FAF1: variants seen among roughly 807,000 people sequenced by gnomAD.
FAF1 encodes the protein FAS-associated factor 1.
FAF1 carries 25 observed loss-of-function variants against 92.5 expected under a neutral mutation model. The ratio of observed to expected loss-of-function variants is 0.27; its 90% CI spans 0.20 to 0.38. FAF1 has a LOEUF of 0.38. FAF1 is among the 10% of genes least tolerant of loss of function. FAF1 has a pLI of 1.00. For synonymous variants in FAF1, 234 were observed against 273.2 expected, an observed-to-expected ratio of 0.86 and a Z score of 1.42; for missense variants, 636 against 793.3, an observed-to-expected ratio of 0.80 and a Z score of 2.38.
intron 6 of FAF1, among the ~76,000 whole-genome samples, chr1:50,722,409 G>T (rs895303318): frequency 3.3e-4 from 50 of 152,292 alleles, no homozygotes; most frequent in African/African-American, 1.2e-3. Flanking sequence ...AGCACTTTGG[G>T]AGGCCGAGGT....
chr1:50,838,858 A>T (rs1254090314), intron 2 of FAF1, among the ~76,000 whole-genome samples: 1 of 152,124 alleles, frequency 6.6e-6, no homozygotes, highest in Non-Finnish European at 1.5e-5. Flanking sequence ...ATTCAAATTC[A>T]ACTCTGGCCA....
At chr1:50,549,955 A>G (rs1447614772) in intron 13 of FAF1, among the ~76,000 whole-genome samples, 1 of 152,190 alleles carries the variant, frequency 6.6e-6, no homozygotes, top group Non-Finnish European at 1.5e-5. Flanking sequence ...ATGTTTCAGC[A>G]TCATTTATTT....
At chr1:50,504,972 C>T (rs1475559146) in intron 15 of FAF1, among the ~76,000 whole-genome samples, 1 of 152,186 alleles carries the variant, frequency 6.6e-6, no homozygotes, top group Non-Finnish European at 1.5e-5. Context: ...TGACTCCTAT[C>T]ATATGCAGAT....
intron 8 of FAF1, among the ~76,000 whole-genome samples, chr1:50,627,352 G>T (rs1021611957): frequency 6.6e-6 from 1 of 152,102 alleles, no homozygotes; most frequent in Non-Finnish European, 1.5e-5. Flanking sequence ...ATGAAAAAGC[G>T]TCTCAGGAAG....
chr1:50,804,151 CAT>C (rs1183298583), intron 2 of FAF1, among the ~76,000 whole-genome samples: 2 of 152,142 alleles, frequency 1.3e-5, no homozygotes, highest in Non-Finnish European at 2.9e-5. Context: ...ACAATTAAGA[CAT>C]AGTGATGAAC....
chr1:50,759,974 T>C (rs995339934), intron 4 of FAF1, among the ~76,000 whole-genome samples: 4 of 152,122 alleles, frequency 2.6e-5, no homozygotes, highest in African/African-American at 9.7e-5. Flanking sequence ...CTGTTCATGT[T>C]CTTCACCCAC....
At chr1:50,727,927 T>C (rs1045831092) in intron 6 of FAF1, among the ~76,000 whole-genome samples, 5 of 152,196 alleles carry the variant, frequency 3.3e-5, no homozygotes, top group Non-Finnish European at 7.3e-5. Flanking sequence ...CACTGTCAGT[T>C]TCCCTACTTT....
chr1:50,847,860 TA>T (rs1644315024), intron 2 of FAF1, among the ~76,000 whole-genome samples: 1 of 151,874 alleles, frequency 6.6e-6, no homozygotes, highest in Non-Finnish European at 1.5e-5. Context: ...TGTAAGGCTT[TA>T]GAAACACACA....
At chr1:50,918,389 G>T in intron 1 of FAF1, among the ~76,000 whole-genome samples, 1 of 91,580 alleles carries the variant, frequency 1.1e-5, no homozygotes, top group Non-Finnish European at 2.1e-5. Flanking sequence ...TCCCCTTCCT[G>T]TGTCCATGTG....
intron 7 of FAF1, among the ~76,000 whole-genome samples, chr1:50,678,288 G>A (rs1453198750): frequency 4.6e-5 from 7 of 152,328 alleles, no homozygotes; most frequent in Admixed American, 1.3e-4. Flanking sequence ...ATAGTTCAAG[G>A]GGGGTGGGAG....
At chr1:50,573,443 T>C (rs781319532) in intron 12 of FAF1, among the ~76,000 whole-genome samples, 3 of 151,444 alleles carry the variant, frequency 2.0e-5, no homozygotes, top group Non-Finnish European at 4.4e-5. Context: ...AAAAGAAGAG[T>C]AAAAAAGATA....
At chr1:50,939,362 G>A (rs1395028776) in intron 1 of FAF1, among the ~76,000 whole-genome samples, 1 of 152,124 alleles carries the variant, frequency 6.6e-6, no homozygotes, top group East Asian at 1.9e-4. Context: ...TTGACTCTAA[G>A]CCTGGGCGTT....
At chr1:50,722,217 T>C (rs1217047607) in intron 6 of FAF1, among the ~76,000 whole-genome samples, 4 of 152,184 alleles carry the variant, frequency 2.6e-5, no homozygotes, top group African/African-American at 9.7e-5. Flanking sequence ...GCACTGTTTC[T>C]AGTTTACTTC....
chr1:50,518,552 T>C (rs1213825827), intron 15 of FAF1, among the ~76,000 whole-genome samples: 2 of 152,060 alleles, frequency 1.3e-5, no homozygotes, highest in African/African-American at 4.8e-5. Context: ...GCCATTCTCC[T>C]GCCTCAGCCT....
intron 8 of FAF1, among the ~76,000 whole-genome samples, chr1:50,640,926 G>A (rs1654297940): frequency 7.0e-6 from 1 of 142,580 alleles, no homozygotes; most frequent in Non-Finnish European, 1.5e-5. Context: ...CTCTGCCTCT[G>A]GGGTTCAAGC....
intron 2 of FAF1, among the ~76,000 whole-genome samples, chr1:50,817,779 C>A (rs1305278203): frequency 1.3e-5 from 2 of 151,930 alleles, no homozygotes; most frequent in African/African-American, 2.4e-5. Flanking sequence ...GGTTGCATAA[C>A]CCTGTGAATA....
intron 8 of FAF1, among the ~76,000 whole-genome samples, chr1:50,654,177 G>A (rs1240650537): frequency 9.2e-5 from 14 of 152,122 alleles, no homozygotes; most frequent in Non-Finnish European, 2.1e-4. Flanking sequence ...GGAGTGAACT[G>A]TAGTTATTAT....
intron 2 of FAF1, among the ~76,000 whole-genome samples, chr1:50,853,132 G>A (rs1319284636): frequency 6.6e-6 from 1 of 152,102 alleles, no homozygotes; most frequent in Non-Finnish European, 1.5e-5. Flanking sequence ...AAAACTGCAG[G>A]TGTTCATAAC....
intron 2 of FAF1, among the ~76,000 whole-genome samples, chr1:50,838,530 A>G (rs1054392023): frequency 6.8e-6 from 1 of 147,554 alleles, no homozygotes; most frequent in Non-Finnish European, 1.5e-5. Flanking sequence ...ACATTAACAT[A>G]ATTTTACATG....
Sources: allele counts gnomAD v4.1 joint callset (sites outside exome capture counted in the v4.1 genomes callset), GRCh38; gene constraint gnomAD v4.1.1; transcripts MANE v1.5; gene names NCBI Gene and HGNC (gene_info 2026-07-23, HGNC 2026-07-21).